The following PKHD1L1 variants were observed in gnomAD, a reference collection of about 807,000 sequenced individuals.
The protein encoded by PKHD1L1 is fibrocystin-L.
In PKHD1L1, 434 loss-of-function variants were observed where a neutral mutation model predicts 462.9. The ratio of observed to expected loss-of-function variants is 0.94; its 90% CI spans 0.87 to 1.02. The LOEUF (loss-of-function observed/expected upper bound fraction) is 1.02, where lower values mean the gene tolerates loss of function less well. Among genes scored for constraint, PKHD1L1 ranks in the 50% least tolerant of loss-of-function variants. PKHD1L1 has a pLI of 0.00. For missense variants in PKHD1L1, 5,202 were observed against 5,096.1 expected, an observed-to-expected ratio of 1.02 and a Z score of -0.63; for synonymous variants, 1,781 against 1,750.0, an observed-to-expected ratio of 1.02 and a Z score of -0.44.
At chr8:109,370,003 C>T (rs1487090217) in intron 2 of PKHD1L1, among the ~76,000 whole-genome samples, 1 of 152,194 alleles carries the variant, frequency 6.6e-6, no homozygotes, top group African/African-American at 2.4e-5. Flanking sequence ...TTTCTGCTTA[C>T]TTTTCCTACA....
chr8:109,485,616 T>C (rs1290392862), intron 58 of PKHD1L1, among the ~76,000 whole-genome samples: 1 of 152,006 alleles, frequency 6.6e-6, no homozygotes, highest in African/African-American at 2.4e-5. Context: ...GATCTGAAGA[T>C]GAGTTTTCCA....
At chr8:109,373,853 C>T (rs1048350773) in intron 2 of PKHD1L1, among the ~76,000 whole-genome samples, 4 of 152,188 alleles carry the variant, frequency 2.6e-5, no homozygotes, top group African/African-American at 9.7e-5. Flanking sequence ...AGTTTGATTG[C>T]AGTGTGGTCT....
Position 109,530,183 on chromosome 8 carries a change from A to G in PKHD1L1, c.*93A>G. On this transcript the variant is annotated 3_prime_UTR_variant, in exon 78 of 78. Coordinates refer to ENST00000378402, the MANE Select transcript of PKHD1L1 (RefSeq NM_177531.6). ...GCAAAAGTCTATAGCATTTTCATGA[A>G]AATATACTAAAAATATTTTTATGAT... 1 of 663,822 alleles carries G rather than the reference A, an allele frequency of 1.5e-6. No homozygotes were observed. Among genetic ancestry groups the G allele is most frequent in the Non-Finnish European group, 2.2e-6 (1 of 452,844 alleles). 41.1% of individuals were successfully genotyped at this position (663,822 alleles called of 1,614,324 possible). A position where few individuals can be genotyped will look rare whatever the true frequency, so the allele number is the denominator to read the frequency against.
chr8:109,527,063 G>A (rs1398925576), intron 77 of PKHD1L1, 43 bp downstream of exon 77: 6 of 1,489,508 alleles, frequency 4.0e-6, no homozygotes, highest in Non-Finnish European at 5.5e-6. Flanking sequence ...ACATGTTGAA[G>A]TACCAGTGTT....
At chr8:109,438,081 G>A (rs1440278757) in intron 30 of PKHD1L1, among the ~76,000 whole-genome samples, 1 of 152,026 alleles carries the variant, frequency 6.6e-6, no homozygotes, top group African/African-American at 2.4e-5. Flanking sequence ...CAATAATATA[G>A]ATGCATTTAA....
Position 109,472,946 on chromosome 8 carries a change from G to T in PKHD1L1, c.8606-2172G>T, listed in dbSNP as rs1167872011. ...ATATATCTTTATCAAAGCATCTCAT[G>T]CATGATGGTATATCTTTATGTAAAT... is the stretch of plus-strand genomic sequence containing the variant. On this transcript the variant is annotated intron_variant, in intron 50 of 77. Transcript: ENST00000378402. Among the ~76,000 whole-genome samples, 3 of 151,772 alleles carry T rather than the reference G, an allele frequency of 2.0e-5. No individual in the cohort carries two copies. The East Asian group carries it at 5.8e-4, about 29-fold the overall frequency.
At chr8:109,427,815 C>T (rs929176775) in intron 25 of PKHD1L1, among the ~76,000 whole-genome samples, 1 of 151,668 alleles carries the variant, frequency 6.6e-6, no homozygotes, top group Non-Finnish European at 1.5e-5. Context: ...CACAGGAGTT[C>T]GAGATGAGCC....
chr8:109,452,023 C>CT (rs1816548280), intron 41 of PKHD1L1, 101 bp from the exon 42 acceptor site: 1 of 1,030,702 alleles, frequency 9.7e-7, no homozygotes, highest in African/African-American at 1.7e-5. Flanking sequence ...AGAATCAGGT[C>CT]ATTTTTTTTT....
At chr8:109,398,612 A>T in intron 12 of PKHD1L1, 64 bp downstream of exon 12, 1 of 653,958 alleles carries the variant, frequency 1.5e-6, no homozygotes, top group South Asian at 4.4e-5. Context: ...ATTAGTAAAA[A>T]ATATTATTTA....
chr8:109,385,602 TC>T lies in PKHD1L1; in HGVS notation c.542del (p.Ser181Ter), dbSNP rs1470041385. ...DVYGSNIALS[S>X]NGKNVRILRV... ...CTATGGAAGTAATATTGCACTAAGC[TC>T]AAATGGGAAAAATGTTAGGATTTTG... On this transcript the variant is annotated frameshift_variant, in exon 6 of 78. Coordinates refer to ENST00000378402, the MANE Select transcript of PKHD1L1 (RefSeq NM_177531.6). LOFTEE classifies it high-confidence loss of function. 6.2e-7 allele frequency: 1 copy of T among 1,601,566 alleles called. No individual in the cohort carries two copies. The highest frequency in any genetic ancestry group is 8.5e-7 in the Non-Finnish European group (1 of 1,170,934).
intron 2 of PKHD1L1, among the ~76,000 whole-genome samples, chr8:109,381,148 C>T (rs1327643931): frequency 1.3e-5 from 2 of 152,138 alleles, no homozygotes; most frequent in Admixed American, 6.6e-5. Flanking sequence ...TAAGAGATGA[C>T]TGTATCTACC....
chr8:109,416,984 A>G (rs947956284), intron 21 of PKHD1L1, among the ~76,000 whole-genome samples: 6 of 152,108 alleles, frequency 3.9e-5, no homozygotes, highest in Non-Finnish European at 7.4e-5. Context: ...CATTTTATTG[A>G]TCCTTGTTCT....
intron 23 of PKHD1L1, among the ~76,000 whole-genome samples, chr8:109,424,498 A>G (rs1694672554): frequency 6.6e-6 from 1 of 152,158 alleles, no homozygotes; most frequent in Non-Finnish European, 1.5e-5. Context: ...GATAACTATA[A>G]GGTATCATCA....
rs928747207 is a variant in PKHD1L1, at chr8:109,444,124, C to CA, written c.4791+230dup. ...GAACATTTTCATTACCTCCCCCCCC[C>CA]AAAAAAAACCCTAAAGCCCTTAGAT... On this transcript the variant is annotated intron_variant, in intron 37 of 77. Transcript: ENST00000378402. Among the ~76,000 whole-genome samples the CA allele has an allele frequency of 7.5e-3, 1,139 of 151,286 alleles. 12 individuals carry two copies. The highest frequency in any genetic ancestry group is 0.023 in the African/African-American group (952 of 41,064).
At position 109,531,812 on chromosome 8, in the gene PKHD1L1, C is replaced by T. The variant is rs1413670056; in HGVS notation, c.*1722C>T. 3.9e-5 allele frequency among the ~76,000 whole-genome samples: 6 copies of T among 152,030 alleles called. No individual in the cohort carries two copies. Among genetic ancestry groups the T allele is most frequent in the Admixed American group, 2.6e-4 (4 of 15,274 alleles). The stretch of plus-strand genomic sequence containing the variant: ...CCAGGTAACAGAGCACTTTTATACT[C>T]CCCTCAGTTCCAACCCTGGTGGGGT... On this transcript the variant is annotated 3_prime_UTR_variant, in exon 78 of 78. Transcript: ENST00000378402.
At chr8:109,383,504 A>T (rs1247275907) in intron 4 of PKHD1L1, among the ~76,000 whole-genome samples, 2 of 138,304 alleles carry the variant, frequency 1.4e-5, no homozygotes, top group African/African-American at 2.7e-5. Flanking sequence ...ATATTTATAT[A>T]TAAATAGTTT....
At chr8:109,415,113 C>T (rs898898488) in intron 21 of PKHD1L1, among the ~76,000 whole-genome samples, 5 of 151,724 alleles carry the variant, frequency 3.3e-5, no homozygotes, top group Admixed American at 6.6e-5. Context: ...TCCTCCCACC[C>T]CAGCCTCCCC....
In PKHD1L1 at chr8:109,443,133, T is replaced by C; in HGVS notation, c.4564+17T>C. ...ATGCTTATGGTAAGATGGTTAAAGA[T>C]GGAAACTCTGTTACACAGGTGACCC... On this transcript the variant is annotated intron_variant, in intron 36 of 77. Transcript: ENST00000378402. 2 of 1,611,078 alleles carry C rather than the reference T, an allele frequency of 1.2e-6. No homozygotes were observed. Among genetic ancestry groups the C allele is most frequent in the South Asian group, 2.2e-5 (2 of 90,936 alleles).
At chr8:109,387,471 C>G (rs1474630104) in intron 6 of PKHD1L1, among the ~76,000 whole-genome samples, 1 of 152,110 alleles carries the variant, frequency 6.6e-6, no homozygotes, top group Non-Finnish European at 1.5e-5. Flanking sequence ...CAGGCTTGGG[C>G]AATCTGCTTA....
Sources: allele counts gnomAD v4.1 joint callset (sites outside exome capture counted in the v4.1 genomes callset), GRCh38; gene constraint gnomAD v4.1.1; transcripts MANE v1.5; gene names NCBI Gene and HGNC (gene_info 2026-07-23, HGNC 2026-07-21).